The following ITSN1 variants were observed in gnomAD, a reference collection of about 807,000 sequenced individuals.
The protein encoded by ITSN1 is intersectin-1.
Under a neutral mutation model 239.8 loss-of-function variants are expected in ITSN1, and 58 were observed. That is an observed-to-expected ratio of 0.24 (90% CI 0.20 to 0.30). ITSN1 has a LOEUF of 0.30. Ranked by LOEUF, ITSN1 falls within the 10% of genes least tolerant of loss-of-function variation. The probability of loss-of-function intolerance (pLI) is 1.00; values close to 1 mark genes in which losing one functional copy is unlikely to be tolerated. For synonymous variants in ITSN1, 780 were observed against 770.8 expected, an observed-to-expected ratio of 1.01 and a Z score of -0.20; for missense variants, 1,558 against 2,103.3, an observed-to-expected ratio of 0.74 and a Z score of 5.07.
chr21:33,758,308 T>A lies in ITSN1; in HGVS notation c.724+2911T>A, dbSNP rs572901793. On this transcript the variant is annotated intron_variant, in intron 8 of 39. Transcript: ENST00000381318. ...CAGCTAATTTTTTGTAGAAACTGGG[T>A]TTTGCCATGTTCCCCAGGCTGGTCT... 2.6e-5 allele frequency among the ~76,000 whole-genome samples: 4 copies of A among 152,092 alleles called. No homozygotes were observed. The East Asian group carries it at 7.7e-4, about 29-fold the overall frequency.
intron 1 of ITSN1, among the ~76,000 whole-genome samples, chr21:33,679,013 A>G (rs375968158): frequency 6.6e-6 from 1 of 152,224 alleles, no homozygotes; most frequent in East Asian, 1.9e-4. Flanking sequence ...AAAATAGCAT[A>G]ATGATTTTTC....
intron 1 of ITSN1, among the ~76,000 whole-genome samples, chr21:33,681,051 A>G (rs1269728176): frequency 6.6e-6 from 1 of 152,236 alleles, no homozygotes; most frequent in Non-Finnish European, 1.5e-5. Flanking sequence ...GGCATGTGCC[A>G]TTTCAACTCA....
rs1057159255 is a variant in ITSN1, at chr21:33,718,958, A to C, written c.28+102A>C. 5.4e-5 allele frequency: 49 copies of C among 899,290 alleles called. No homozygotes were observed. In the South Asian group the frequency reaches 7.0e-4, roughly 13 times the overall value. The allele number at this position is 899,290 out of a possible 1,614,324, so 55.7% of individuals were successfully genotyped here. A position where few individuals can be genotyped will look rare whatever the true frequency, so the allele number is the denominator to read the frequency against. On this transcript the variant is annotated intron_variant, in intron 2 of 39. Transcript: ENST00000381318. ...AATTAAAAAGTAGAGAAAATAATAT[A>C]ATCAGCATTCATGTATTCCATCATA...
chr21:33,783,100 T>C (rs2070340372), intron 16 of ITSN1, among the ~76,000 whole-genome samples: 1 of 152,198 alleles, frequency 6.6e-6, no homozygotes, highest in Admixed American at 6.5e-5. Context: ...TATACTACTT[T>C]AGATGTATGT....
intron 11 of ITSN1, among the ~76,000 whole-genome samples, chr21:33,769,808 G>A (rs2068997541): frequency 6.6e-6 from 1 of 151,280 alleles, no homozygotes. Context: ...CGATTCTCCT[G>A]CCTCAACCTC....
chr21:33,652,919 G>A (rs1309236161), intron 1 of ITSN1, among the ~76,000 whole-genome samples: 2 of 151,770 alleles, frequency 1.3e-5, no homozygotes, highest in African/African-American at 2.4e-5. Flanking sequence ...CTAATTGTAG[G>A]CATCGTTCCC....
intron 1 of ITSN1, among the ~76,000 whole-genome samples, chr21:33,698,003 T>G (rs1449937216): frequency 1.3e-5 from 2 of 152,208 alleles, no homozygotes; most frequent in Non-Finnish European, 2.9e-5. Context: ...ATTTATCTCT[T>G]GAACAGGAAT....
Position 33,644,933 on chromosome 21 carries a change from C to T in ITSN1, c.-33+2220C>T, listed in dbSNP as rs533098755. ...ACCTCCTGGGCTCCAGTGATCTTCC[C>T]ACCCCAGCTTCCAGAGTATCTGGGA... On this transcript the variant is annotated intron_variant, in intron 1 of 39. Transcript: ENST00000381318. Among the ~76,000 whole-genome samples, 17 of 151,908 alleles carry T rather than the reference C, an allele frequency of 1.1e-4. 1 individual carries two copies. In the South Asian group the frequency reaches 3.1e-3, roughly 28 times the overall value.
At chr21:33,764,528 A>G (rs138823777) in intron 9 of ITSN1, among the ~76,000 whole-genome samples, 372 of 152,284 alleles carry the variant, frequency 2.4e-3, no homozygotes, top group African/African-American at 8.6e-3. Flanking sequence ...ATGGGGGCAA[A>G]GGAGGGAGTT....
chr21:33,864,542 C>T (rs1368748118), intron 31 of ITSN1, among the ~76,000 whole-genome samples: 1 of 152,184 alleles, frequency 6.6e-6, no homozygotes, highest in Non-Finnish European at 1.5e-5. Context: ...TTTTTGGGTT[C>T]ATTGGCCCAT....
chr21:33,827,099 C>T (rs924848722), intron 26 of ITSN1, among the ~76,000 whole-genome samples: 3 of 152,098 alleles, frequency 2.0e-5, no homozygotes, highest in Admixed American at 6.5e-5. Flanking sequence ...CTTGGGTTGT[C>T]GAGAAATAAT....
chr21:33,712,825 A>G (rs2092453170), intron 1 of ITSN1, among the ~76,000 whole-genome samples: 1 of 152,186 alleles, frequency 6.6e-6, no homozygotes, highest in African/African-American at 2.4e-5. Flanking sequence ...TTATAGTTAC[A>G]TTTTGTGTTC....
In ITSN1 at chr21:33,781,479, G is replaced by A; in HGVS notation, c.1615G>A (p.Gly539Arg). The change falls in exon 15 of 40, where the codon GGA becomes AGA. Residue 539 changes from glycine (G) to arginine (R), a missense_variant. Transcript: ENST00000381318. ...QQLQESQQML[G>R]RLIPEKQILN... ...TTCCCAGGAATCTCAGCAAATGCTT[G>A]GAAGACTTATTCCAGAAAAACAGAT... 4 of 1,594,036 alleles carry A rather than the reference G, an allele frequency of 2.5e-6. No individual in the cohort carries two copies. In the South Asian group the frequency reaches 4.5e-5, roughly 18 times the overall value.
intron 8 of ITSN1, among the ~76,000 whole-genome samples, chr21:33,760,778 A>G (rs1343307095): frequency 3.9e-5 from 6 of 152,192 alleles, no homozygotes; most frequent in African/African-American, 1.4e-4. Flanking sequence ...TATACACCAG[A>G]ATCTTCCCAA....
At chr21:33,779,041 CCTT>C (rs1188265575) in intron 14 of ITSN1, among the ~76,000 whole-genome samples, 7 of 151,874 alleles carry the variant, frequency 4.6e-5, no homozygotes, top group Admixed American at 2.6e-4. Flanking sequence ...TATCTCTCCT[CCTT>C]CTTCTTTTCT....
intron 8 of ITSN1, 95 bp from the exon 9 acceptor site, chr21:33,761,828 G>T: frequency 1.2e-6 from 1 of 860,480 alleles, no homozygotes; most frequent in Non-Finnish European, 2.0e-6. Flanking sequence ...ATTGCATGAG[G>T]TCATGGAGTA....
intron 34 of ITSN1, among the ~76,000 whole-genome samples, chr21:33,876,982 A>G (rs1984026287): frequency 6.6e-6 from 1 of 151,778 alleles, no homozygotes; most frequent in Non-Finnish European, 1.5e-5. Flanking sequence ...AGCTCTTGCT[A>G]AACTTACTAC....
rs544240228 is a variant in ITSN1, at chr21:33,704,162, G to A, written c.-32-14635G>A. Among the ~76,000 whole-genome samples, 23 of 152,234 alleles carry A rather than the reference G, an allele frequency of 1.5e-4. No homozygotes were observed. In the East Asian group the frequency reaches 4.2e-3, roughly 28 times the overall value. The stretch of plus-strand genomic sequence containing the variant: ...TCTGTTAGATTTTCAAAAAATGTGT[G>A]ACTTCCTGCTTACATATGGTAAATG... On this transcript the variant is annotated intron_variant, in intron 1 of 39. Transcript: ENST00000381318.
chr21:33,658,320 A>G (rs1443831479), intron 1 of ITSN1, among the ~76,000 whole-genome samples: 1 of 152,134 alleles, frequency 6.6e-6, no homozygotes, highest in Non-Finnish European at 1.5e-5. Flanking sequence ...TCTGAATATG[A>G]GTGGACCCAC....
Sources: gnomAD v4.1 joint callset for allele counts (sites outside exome capture counted in the v4.1 genomes callset) on GRCh38, gnomAD v4.1.1 for gene constraint, MANE v1.5 for transcripts, NCBI Gene and HGNC (gene_info 2026-07-23, HGNC 2026-07-21) for gene names.